Variants in MAML2 observed in about 807,000 individuals in gnomAD.
MAML2 encodes mastermind-like protein 2.
In MAML2, 22 loss-of-function variants were observed where a neutral mutation model predicts 96.1. That is an observed-to-expected ratio of 0.23 (90% confidence interval 0.16 to 0.33). The LOEUF (loss-of-function observed/expected upper bound fraction) is 0.33, where lower values mean the gene tolerates loss of function less well. MAML2 is among the 10% of genes least tolerant of loss of function. The probability of loss-of-function intolerance (pLI) is 1.00; values close to 1 mark genes in which losing one functional copy is unlikely to be tolerated. For synonymous variants in MAML2, 561 were observed against 521.3 expected (o/e 1.08, Z -1.04); for missense variants, 1,367 against 1,392.4 (o/e 0.98, Z 0.29).
At chr11:96,310,345 T>C (rs1219847887) in intron 1 of MAML2, among the ~76,000 whole-genome samples, 2 of 152,186 alleles carry the variant, frequency 1.3e-5, no homozygotes, top group Non-Finnish European at 2.9e-5. Flanking sequence ...TAAGAATGTA[T>C]CAGGGTTTAT....
intron 1 of MAML2, among the ~76,000 whole-genome samples, chr11:96,182,849 T>A (rs1861506876): frequency 6.6e-6 from 1 of 152,056 alleles, no homozygotes; most frequent in Non-Finnish European, 1.5e-5. Context: ...CTCCTTACCA[T>A]CCACTAGAGG....
At chr11:96,082,800 G>A (rs1859548486) in intron 2 of MAML2, among the ~76,000 whole-genome samples, 1 of 152,182 alleles carries the variant, frequency 6.6e-6, no homozygotes. Flanking sequence ...AAAGCACGAA[G>A]GCAGCAGCAG....
At chr11:96,153,993 A>G (rs1346349938) in intron 1 of MAML2, among the ~76,000 whole-genome samples, 2 of 152,194 alleles carry the variant, frequency 1.3e-5, no homozygotes, top group African/African-American at 4.8e-5. Flanking sequence ...GATTGTCACA[A>G]GGAATAAAGA....
chr11:96,087,120 C>T (rs1012541231), intron 2 of MAML2, among the ~76,000 whole-genome samples: 24 of 152,172 alleles, frequency 1.6e-4, no homozygotes, highest in Non-Finnish European at 3.1e-4. Context: ...CTGTGAAAAA[C>T]GGTTGATTAT....
At chr11:96,324,108 G>A (rs772393907) in intron 1 of MAML2, among the ~76,000 whole-genome samples, 1 of 152,150 alleles carries the variant, frequency 6.6e-6, no homozygotes. Context: ...TGTGTAAGTT[G>A]AGTCTGATAA....
intron 1 of MAML2, among the ~76,000 whole-genome samples, chr11:96,153,929 A>ATAAC (rs1860968844): frequency 5.1e-5 from 3 of 59,340 alleles, no homozygotes; most frequent in Admixed American, 2.5e-4. Context: ...AAATAAATAA[A>ATAAC]TAAATAAATA....
intron 1 of MAML2, among the ~76,000 whole-genome samples, chr11:96,329,351 C>T (rs1295913242): frequency 6.6e-6 from 1 of 152,098 alleles, no homozygotes; most frequent in Non-Finnish European, 1.5e-5. Context: ...ATGGCTTGGA[C>T]CTCCCCCTTC....
intron 1 of MAML2, among the ~76,000 whole-genome samples, chr11:96,198,421 G>C (rs1420907201): frequency 2.0e-5 from 3 of 152,166 alleles, no homozygotes; most frequent in African/African-American, 4.8e-5. Context: ...TTCTGAGAAA[G>C]GCATACAGAA....
intron 1 of MAML2, among the ~76,000 whole-genome samples, chr11:96,331,173 G>A (rs569425896): frequency 1.3e-5 from 2 of 152,096 alleles, no homozygotes; most frequent in Admixed American, 1.3e-4. Flanking sequence ...CAGAAGGCTG[G>A]CGGGGAGGAT....
At chr11:95,995,163 G>A (rs528834736) in intron 2 of MAML2, among the ~76,000 whole-genome samples, 5 of 152,332 alleles carry the variant, frequency 3.3e-5, no homozygotes, top group Admixed American at 2.0e-4. Flanking sequence ...AAAGGAGATA[G>A]AACTCGCAGA....
intron 1 of MAML2, among the ~76,000 whole-genome samples, chr11:96,299,888 A>G (rs554980400): frequency 3.3e-5 from 5 of 152,304 alleles, no homozygotes; most frequent in African/African-American, 1.2e-4. Flanking sequence ...AATCAAAACC[A>G]AAACAATGGG....
chr11:96,115,045 G>A (rs1201236917), intron 1 of MAML2, among the ~76,000 whole-genome samples: 3 of 152,158 alleles, frequency 2.0e-5, no homozygotes, highest in Admixed American at 2.0e-4. Flanking sequence ...GAAGTTCATG[G>A]GCTGGCATAG....
At chr11:96,335,919 C>A (rs1863914964) in intron 1 of MAML2, among the ~76,000 whole-genome samples, 1 of 152,182 alleles carries the variant, frequency 6.6e-6, no homozygotes, top group African/African-American at 2.4e-5. Flanking sequence ...TTTTCTCCCT[C>A]TTCTCAGGCC....
intron 1 of MAML2, among the ~76,000 whole-genome samples, chr11:96,339,015 G>A (rs756537228): frequency 2.6e-5 from 4 of 152,126 alleles, no homozygotes; most frequent in Non-Finnish European, 4.4e-5. Context: ...GAGTAACAAC[G>A]GGCCAAATTT....
chr11:96,010,586 G>A (rs1858251132), intron 2 of MAML2, among the ~76,000 whole-genome samples: 1 of 152,198 alleles, frequency 6.6e-6, no homozygotes, highest in Non-Finnish European at 1.5e-5. Context: ...TTACAATGTA[G>A]ATGAGTTAAG....
chr11:95,989,266 G>T (rs1050372205), intron 3 of MAML2, among the ~76,000 whole-genome samples: 2 of 152,052 alleles, frequency 1.3e-5, no homozygotes, highest in African/African-American at 4.8e-5. Flanking sequence ...CTTCTTCCTG[G>T]ATATGCTAAA....
intron 1 of MAML2, among the ~76,000 whole-genome samples, chr11:96,168,791 A>T (rs1861233851): frequency 1.3e-5 from 2 of 152,290 alleles, no homozygotes; most frequent in South Asian, 4.1e-4. Flanking sequence ...AATGAAGTAC[A>T]TAAAATTCAC....
intron 1 of MAML2, among the ~76,000 whole-genome samples, chr11:96,303,079 G>A (rs1863411771): frequency 6.6e-6 from 1 of 152,122 alleles, no homozygotes; most frequent in Admixed American, 6.5e-5. Context: ...TTTATAAAAT[G>A]GCCCTGACAA....
chr11:96,120,209 G>A (rs1378098275), intron 1 of MAML2, among the ~76,000 whole-genome samples: 2 of 152,058 alleles, frequency 1.3e-5, no homozygotes, highest in African/African-American at 2.4e-5. Flanking sequence ...CGCCCTCCTC[G>A]GCCTCCCAAA....
Sources: gnomAD v4.1 joint callset for allele counts (sites outside exome capture counted in the v4.1 genomes callset) on GRCh38, gnomAD v4.1.1 for gene constraint, MANE v1.5 for transcripts, NCBI Gene and HGNC (gene_info 2026-07-23, HGNC 2026-07-21) for gene names.